ROCK1: variants seen among roughly 807,000 people sequenced by gnomAD.
ROCK1 encodes Rho associated coiled-coil containing protein kinase 1.
A neutral mutation model predicts 196.8 loss-of-function variants in ROCK1; 36 were observed. That is an observed-to-expected ratio of 0.18 (90% CI 0.14 to 0.24). The LOEUF (loss-of-function observed/expected upper bound fraction) is 0.24. Ranked by LOEUF, ROCK1 falls within the 10% of genes least tolerant of loss-of-function variation. The probability of loss-of-function intolerance (pLI) is 1.00; values close to 1 mark genes in which losing one functional copy is unlikely to be tolerated. For synonymous variants in ROCK1, 443 were observed against 515.9 expected (o/e 0.86, Z 1.91); for missense variants, 920 against 1,562.0 (o/e 0.59, Z 6.93).
At position 21,029,075 on chromosome 18, in the gene ROCK1, C is replaced by A. The variant is rs536901123; in HGVS notation, c.1052-140G>T. ...ATTCCACCTGGCTTGAATCCTATTACATCAAGCTTTACCAGGACTAAAAAT... is the reference window on the plus strand; with the variant it reads ...ATTCCACCTGGCTTGAATCCTATTAAATCAAGCTTTACCAGGACTAAAAAT... On this transcript the variant is annotated intron_variant, in intron 9 of 32. Coordinates refer to ENST00000399799, the MANE Select transcript of ROCK1 (RefSeq NM_005406.3). 1.1e-5 allele frequency: 8 copies of A among 712,806 alleles called. No homozygotes were observed. The East Asian group carries it at 1.9e-4, about 17-fold the overall frequency. 44.2% of individuals were successfully genotyped at this position (712,806 alleles called of 1,614,324 possible).
At position 20,955,253 on chromosome 18, in the gene ROCK1, G is replaced by A. The variant is rs1466270558; in HGVS notation, c.3513-8C>T. On this transcript the variant is annotated splice_polypyrimidine_tract_variant and splice_region_variant and intron_variant, in intron 29 of 32. Coordinates refer to ENST00000399799, the MANE Select transcript of ROCK1 (RefSeq NM_005406.3). ...CTAACGTGAAACAGTTTACTAAAAT[G>A]AAAATAAATACAGGCCATTTACAAA... 8 of 1,590,218 alleles carry A rather than the reference G, an allele frequency of 5.0e-6. No individual in the cohort carries two copies. The highest frequency in any genetic ancestry group is 6.8e-6 in the Non-Finnish European group (8 of 1,168,428).
At position 20,991,405 on chromosome 18, in the gene ROCK1, GGAAGAGATAT is replaced by G. The variant is rs201465891; in HGVS notation, c.1993-89_1993-80del. ...TAGTAAATCTTACATTTAATATTCTGGAAGAGATATGATGCCTTATTTTAAAAATCACAAT... is the reference window on the plus strand; with the variant it reads ...TAGTAAATCTTACATTTAATATTCTGGATGCCTTATTTTAAAAATCACAAT... On this transcript the variant is annotated intron_variant, in intron 17 of 32. Transcript: ENST00000399799. 6.5e-3 allele frequency: 6,053 copies of G among 936,424 alleles called. 71 individuals are homozygous for G. The highest frequency in any genetic ancestry group is 4.7e-3 in the Non-Finnish European group (3,104 of 654,912). The allele number at this position is 936,424 out of a possible 1,614,324, so 58.0% of individuals were successfully genotyped here. A position where few individuals can be genotyped will look rare whatever the true frequency, so the allele number is the denominator to read the frequency against.
At chr18:21,046,408 T>A (rs1157109265) in intron 4 of ROCK1, among the ~76,000 whole-genome samples, 1 of 152,216 alleles carries the variant, frequency 6.6e-6, no homozygotes, top group Non-Finnish European at 1.5e-5. Context: ...AACTAATCCA[T>A]AAAGTAACAG....
chr18:21,101,701 CA>C (rs2036660854), intron 1 of ROCK1, among the ~76,000 whole-genome samples: 2 of 152,098 alleles, frequency 1.3e-5, no homozygotes, highest in Admixed American at 6.5e-5. Flanking sequence ...AGGACCTAAC[CA>C]AAGAAAAGCA....
chr18:21,011,609 C>T (rs2035817801), intron 13 of ROCK1, among the ~76,000 whole-genome samples: 1 of 152,246 alleles, frequency 6.6e-6, no homozygotes, highest in Admixed American at 6.5e-5. Flanking sequence ...GCGTGCACTA[C>T]CACACCTGGC....
chr18:21,081,031 G>C lies in ROCK1; in HGVS notation c.94-10418C>G, dbSNP rs538292272. Among the ~76,000 whole-genome samples the C allele has an allele frequency of 1.7e-4, 26 of 152,278 alleles. No homozygotes were observed. In the South Asian group the frequency reaches 5.0e-3, roughly 29 times the overall value. ...AACTGGACCTAACAGATTATAAAGAGAGAGAGAGCACTCTATCCAGTAACA... is the reference window on the plus strand; with the variant it reads ...AACTGGACCTAACAGATTATAAAGACAGAGAGAGCACTCTATCCAGTAACA... On this transcript the variant is annotated intron_variant, in intron 1 of 32. Coordinates refer to ENST00000399799, the MANE Select transcript of ROCK1 (RefSeq NM_005406.3).
intron 8 of ROCK1, among the ~76,000 whole-genome samples, chr18:21,040,666 T>C (rs2036097858): frequency 6.6e-6 from 1 of 152,196 alleles, no homozygotes; most frequent in South Asian, 2.1e-4. Flanking sequence ...CTCCGGCACA[T>C]GGTACTTATC....
intron 10 of ROCK1, among the ~76,000 whole-genome samples, chr18:21,028,425 CA>C (rs915768201): frequency 1.3e-5 from 2 of 151,614 alleles, no homozygotes; most frequent in African/African-American, 4.8e-5. Context: ...TGGAAAAAAA[CA>C]AAACAAAACA....
chr18:21,034,593 A>G (rs970879533), intron 9 of ROCK1, among the ~76,000 whole-genome samples: 9 of 152,362 alleles, frequency 5.9e-5, no homozygotes, highest in Middle Eastern at 3.4e-3. Context: ...CTGGATATCC[A>G]CATACAAAAA....
At chr18:21,026,301 G>A (rs772747814) in intron 10 of ROCK1, among the ~76,000 whole-genome samples, 6 of 151,744 alleles carry the variant, frequency 4.0e-5, no homozygotes, top group South Asian at 2.1e-4. Flanking sequence ...AAAATTAGCC[G>A]GGCATGGTGG....
At chr18:21,061,924 T>C (rs2036295057) in intron 2 of ROCK1, among the ~76,000 whole-genome samples, 1 of 152,184 alleles carries the variant, frequency 6.6e-6, no homozygotes, top group South Asian at 2.1e-4. Flanking sequence ...GAAAAAAAGT[T>C]ACAAACAGGC....
chr18:21,033,547 A>G (rs1189462185), intron 9 of ROCK1, among the ~76,000 whole-genome samples: 1 of 152,074 alleles, frequency 6.6e-6, no homozygotes, highest in South Asian at 2.1e-4. Flanking sequence ...AACTATCTCT[A>G]TTTGCAGGTG....
chr18:21,034,033 C>CAA (rs777661024), intron 9 of ROCK1, among the ~76,000 whole-genome samples: 5 of 43,506 alleles, frequency 1.1e-4, no homozygotes, highest in Non-Finnish European at 1.4e-4. Context: ...GACTCCATCT[C>CAA]AAAAAAAAAA....
At chr18:21,077,059 C>T (rs1303820929) in intron 1 of ROCK1, among the ~76,000 whole-genome samples, 4 of 150,564 alleles carry the variant, frequency 2.7e-5, no homozygotes, top group Admixed American at 6.6e-5. Flanking sequence ...CTGCAAGCTC[C>T]GCTTCCCGGG....
At chr18:20,981,306 A>C (rs940237926) in intron 21 of ROCK1, among the ~76,000 whole-genome samples, 1 of 152,046 alleles carries the variant, frequency 6.6e-6, no homozygotes, top group African/African-American at 2.4e-5. Context: ...AGGCAGGAGA[A>C]TGGCGTGAAC....
rs777521852 is a variant in ROCK1 at position 20,992,837 on chromosome 18, T to C, written c.1986A>G (p.Ser662=). 1.3e-6 allele frequency: 2 copies of C among 1,581,196 alleles called. No homozygotes were observed. The highest frequency in any genetic ancestry group is 1.7e-6 in the Non-Finnish European group (2 of 1,151,390). Reference sequence around the variant, plus strand: ...TATATGTTAAATCATTTACCTTTTCTGAGTGATTAAGCATGTCTTGAGCCT... The same window carrying C: ...TATATGTTAAATCATTTACCTTTTCCGAGTGATTAAGCATGTCTTGAGCCT... ...RKEAQDMLNH[S]EKEKNNLEID... The change falls in exon 17 of 33, where the codon TCA becomes TCG. Residue 662 remains serine, a synonymous_variant. Transcript: ENST00000399799.
intron 18 of ROCK1, among the ~76,000 whole-genome samples, chr18:20,990,730 C>G (rs1432834194): frequency 7.7e-6 from 1 of 130,282 alleles, no homozygotes; most frequent in Non-Finnish European, 1.6e-5. Flanking sequence ...AGGAAAGTAT[C>G]AAAAGGAAGG....
intron 1 of ROCK1, among the ~76,000 whole-genome samples, chr18:21,085,256 G>A (rs1202859305): frequency 2.2e-5 from 3 of 139,052 alleles, no homozygotes; most frequent in African/African-American, 8.0e-5. Flanking sequence ...GCAGTGGCAT[G>A]CACCTGTAAT....
At chr18:20,963,921 G>A (rs1250648795) in intron 27 of ROCK1, among the ~76,000 whole-genome samples, 4 of 152,072 alleles carry the variant, frequency 2.6e-5, no homozygotes, top group Non-Finnish European at 5.9e-5. Flanking sequence ...GTCAGAGAAG[G>A]AGTAACATTT....
Sources: gnomAD v4.1 joint callset for allele counts (sites outside exome capture counted in the v4.1 genomes callset) on GRCh38, gnomAD v4.1.1 for gene constraint, MANE v1.5 for transcripts, NCBI Gene and HGNC (gene_info 2026-07-23, HGNC 2026-07-21) for gene names.